The following RNF121 variants were observed in gnomAD, a reference collection of about 807,000 sequenced individuals.
RNF121 encodes the protein ring finger protein 121, also known as E3 ubiquitin ligase RNF121.
RNF121 carries 21 observed loss-of-function variants against 46.5 expected under a neutral mutation model. The ratio of observed to expected loss-of-function variants is 0.45; its 90% CI spans 0.32 to 0.65. RNF121 has a LOEUF of 0.65. Ranked by LOEUF, RNF121 falls within the 30% of genes least tolerant of loss-of-function variation. The pLI, the probability that RNF121 is intolerant of heterozygous loss-of-function variation, is 0.04. For missense variants in RNF121, 346 were observed against 416.0 expected (o/e 0.83, Z 1.46); for synonymous variants, 139 against 144.7 (o/e 0.96, Z 0.28).
intron 2 of RNF121, among the ~76,000 whole-genome samples, 181 bp downstream of exon 2, chr11:71,957,445 G>A (rs569412788): frequency 7.6e-4 from 115 of 152,262 alleles, no homozygotes; most frequent in South Asian, 7.0e-3. Flanking sequence ...GAATGTGTAA[G>A]CAGATGATTG....
rs1208822269 is a variant in RNF121 at position 71,978,182 on chromosome 11, T to C, written c.244-4579T>C. On this transcript the variant is annotated intron_variant, in intron 3 of 8. Transcript: ENST00000361756. ...CCCCAATGTGCTCGAATTACAGGAG[T>C]GAGCCACCATGCCCGGCCTACAGTA... 8.9e-6 allele frequency: 4 copies of C among 451,756 alleles called. No homozygotes were observed. In the Admixed American group the frequency reaches 9.5e-5, roughly 11 times the overall value. 28.0% of individuals were successfully genotyped at this position (451,756 alleles called of 1,614,324 possible). A position where few individuals can be genotyped will look rare whatever the true frequency, so the allele number is the denominator to read the frequency against.
At position 71,960,554 on chromosome 11, in the gene RNF121, C is replaced by T. The variant is rs142186579; in HGVS notation, c.102-196C>T. ...ATCTAGGCTTGGTTGCTGGGGGGTC[C>T]GTAGAGCCTGTATTCTATCTCGACA... On this transcript the variant is annotated intron_variant, in intron 2 of 8. Transcript: ENST00000361756. Among the ~76,000 whole-genome samples the T allele has an allele frequency of 3.5e-3, 529 of 152,070 alleles. 2 individuals carry two copies. Among genetic ancestry groups the T allele is most frequent in the Admixed American group, 4.6e-3 (71 of 15,272 alleles).
intron 1 of RNF121, among the ~76,000 whole-genome samples, chr11:71,932,597 T>C (rs562369040): frequency 6.6e-6 from 1 of 152,364 alleles, no homozygotes; most frequent in African/African-American, 2.4e-5. Flanking sequence ...AGGAAGGTTT[T>C]ATTAGTATTC....
At chr11:71,940,649 A>G (rs1953545589) in intron 1 of RNF121, among the ~76,000 whole-genome samples, 1 of 152,218 alleles carries the variant, frequency 6.6e-6, no homozygotes, top group Non-Finnish European at 1.5e-5. Context: ...GAGTTCTGAT[A>G]TATGCTAGAT....
intron 1 of RNF121, among the ~76,000 whole-genome samples, chr11:71,930,180 GT>G (rs1953240434): frequency 6.6e-6 from 1 of 152,212 alleles, no homozygotes; most frequent in African/African-American, 2.4e-5. Flanking sequence ...AGCTAGTGGT[GT>G]TTGTGATCTT....
At chr11:71,937,815 C>G (rs1331379693) in intron 1 of RNF121, among the ~76,000 whole-genome samples, 2 of 152,214 alleles carry the variant, frequency 1.3e-5, no homozygotes, top group African/African-American at 4.8e-5. Flanking sequence ...TGAAATCTTA[C>G]TCCATGGAAG....
In RNF121 at chr11:71,994,704, G is replaced by T; in HGVS notation, c.628-15G>T. On this transcript the variant is annotated splice_polypyrimidine_tract_variant and intron_variant, in intron 6 of 8. Transcript: ENST00000361756. ...ACATCTTTTCCTATCTTTCCTTCCT[G>T]CTATTCTCCTTCAGTTCTACAGCGA... 6.2e-7 allele frequency: 1 copy of T among 1,613,910 alleles called. No individual in the cohort carries two copies. The highest frequency in any genetic ancestry group is 8.5e-7 in the Non-Finnish European group (1 of 1,179,922).
chr11:71,957,114 A>C, intron 1 of RNF121, 113 bp from the exon 2 acceptor site: 1 of 796,750 alleles, frequency 1.3e-6, no homozygotes, highest in East Asian at 2.4e-5. Flanking sequence ...AGAGATACTA[A>C]GACTTGAAGC....
At chr11:71,984,041 A>T (rs1430184212) in intron 4 of RNF121, among the ~76,000 whole-genome samples, 1 of 152,192 alleles carries the variant, frequency 6.6e-6, no homozygotes, top group Admixed American at 6.5e-5. Context: ...ATGAATGTGG[A>T]TTGGGACCCC....
chr11:71,929,132 G>A lies in RNF121; in HGVS notation c.63+8G>A. 5 of 1,551,068 alleles carry A rather than the reference G, an allele frequency of 3.2e-6. No individual in the cohort carries two copies. The highest frequency in any genetic ancestry group is 4.4e-6 in the Non-Finnish European group (5 of 1,146,740). On this transcript the variant is annotated splice_region_variant and intron_variant, in intron 1 of 8. Coordinates refer to ENST00000361756, the MANE Select transcript of RNF121 (RefSeq NM_018320.5). ...GAACGGGAGCTGGATGAGGTAAGCG[G>A]AGTTGAGAGACGAGGAGAGACTCAA...
At chr11:71,989,313 T>G (rs1437231124) in intron 5 of RNF121, among the ~76,000 whole-genome samples, 1 of 152,220 alleles carries the variant, frequency 6.6e-6, no homozygotes, top group Non-Finnish European at 1.5e-5. Flanking sequence ...ACTCCTGACC[T>G]CAGGTGATCC....
chr11:71,960,662 A>G (rs985016713), intron 2 of RNF121, 88 bp from the exon 3 acceptor site: 1 of 1,470,108 alleles, frequency 6.8e-7, no homozygotes, highest in Non-Finnish European at 9.3e-7. Context: ...GTTCTGAGCT[A>G]TGTACTGGTG....
intron 3 of RNF121, among the ~76,000 whole-genome samples, chr11:71,975,541 G>A (rs898923388): frequency 6.6e-6 from 1 of 152,184 alleles, no homozygotes; most frequent in Non-Finnish European, 1.5e-5. Context: ...CCTCTCCTCT[G>A]TATTTTCTTG....
At chr11:71,942,679 G>A (rs141698424) in intron 1 of RNF121, among the ~76,000 whole-genome samples, 3,863 of 151,444 alleles carry the variant, frequency 0.026, 156 homozygotes, top group African/African-American at 0.088. Context: ...CAGGAGAATC[G>A]CTTGAACCTG....
chr11:71,950,323 G>A (rs1235536851), intron 1 of RNF121, among the ~76,000 whole-genome samples: 2 of 151,890 alleles, frequency 1.3e-5, no homozygotes, highest in Admixed American at 6.6e-5. Context: ...GGTGGCTCAC[G>A]CCTGTAATCC....
rs1370964414 is a variant in RNF121, at chr11:71,981,202, C to T, written c.244-1559C>T. On this transcript the variant is annotated intron_variant, in intron 3 of 8. Coordinates refer to ENST00000361756, the MANE Select transcript of RNF121 (RefSeq NM_018320.5). ...TAGCTGGGACTACAGGTGCCTGCCA[C>T]CACACCCGGCTAATTTTTTTTGTAT... 3.8e-5 allele frequency among the ~76,000 whole-genome samples: 4 copies of T among 106,232 alleles called. No individual in the cohort carries two copies. In the East Asian group the frequency reaches 1.1e-3, roughly 28 times the overall value. The allele number at this position is 106,232 out of a possible 152,430, so 69.7% of individuals were successfully genotyped here. A position where few individuals can be genotyped will look rare whatever the true frequency, so the allele number is the denominator to read the frequency against.
At chr11:71,930,023 G>A (rs571406685) in intron 1 of RNF121, among the ~76,000 whole-genome samples, 1 of 152,292 alleles carries the variant, frequency 6.6e-6, no homozygotes, top group African/African-American at 2.4e-5. Flanking sequence ...TATCTAATAG[G>A]CATTTAAAGA....
intron 4 of RNF121, among the ~76,000 whole-genome samples, chr11:71,986,202 C>G (rs545762255): frequency 2.6e-5 from 4 of 152,318 alleles, no homozygotes; most frequent in Non-Finnish European, 5.9e-5. Flanking sequence ...TCATTTCTTT[C>G]ATTTTTGGCC....
intron 6 of RNF121, 132 bp from the exon 7 acceptor site, chr11:71,994,587 A>T: frequency 2.1e-6 from 2 of 944,258 alleles, no homozygotes; most frequent in Non-Finnish European, 3.2e-6. Context: ...AAAAAAAAAG[A>T]TGTCCTCTAA....
Sources: allele counts gnomAD v4.1 joint callset (sites outside exome capture counted in the v4.1 genomes callset), GRCh38; gene constraint gnomAD v4.1.1; transcripts MANE v1.5; gene names NCBI Gene and HGNC (gene_info 2026-07-23, HGNC 2026-07-21).